CNTN5: variants seen among roughly 807,000 people sequenced by gnomAD.
CNTN5 encodes contactin-5.
In CNTN5, 77 loss-of-function variants were observed where a neutral mutation model predicts 129.1. That is an observed-to-expected ratio of 0.60 (90% CI 0.50 to 0.72). CNTN5 has a LOEUF of 0.72. Among genes scored for constraint, CNTN5 ranks in the 30% least tolerant of loss-of-function variants. The pLI is 0.00. For synonymous variants in CNTN5, 509 were observed against 465.6 expected (o/e 1.09, Z -1.20); for missense variants, 1,478 against 1,328.8 (o/e 1.11, Z -1.75).
chr11:99,220,791 A>T (rs1416200687), intron 1 of CNTN5, among the ~76,000 whole-genome samples: 2 of 151,908 alleles, frequency 1.3e-5, no homozygotes, highest in South Asian at 2.1e-4. Context: ...TGTTCTCTTA[A>T]CCCATACAAA....
intron 3 of CNTN5, among the ~76,000 whole-genome samples, chr11:99,657,178 C>CA (rs767823948): frequency 2.0e-5 from 3 of 151,906 alleles, no homozygotes; most frequent in African/African-American, 7.3e-5. Flanking sequence ...TTGTAAATTA[C>CA]AAAAAACATT....
intron 1 of CNTN5, among the ~76,000 whole-genome samples, chr11:99,108,737 C>G (rs1024863684): frequency 2.0e-5 from 3 of 151,894 alleles, no homozygotes; most frequent in Middle Eastern, 6.8e-3. Flanking sequence ...TTAACATTGA[C>G]AACTTTTATA....
chr11:99,361,647 C>A (rs561055600), intron 2 of CNTN5, among the ~76,000 whole-genome samples: 3 of 152,038 alleles, frequency 2.0e-5, no homozygotes, highest in Admixed American at 6.6e-5. Context: ...TTCCCAATTT[C>A]TTTTTCCCCC....
chr11:99,240,637 C>T (rs1861499266), intron 1 of CNTN5, among the ~76,000 whole-genome samples: 1 of 152,086 alleles, frequency 6.6e-6, no homozygotes, highest in East Asian at 1.9e-4. Flanking sequence ...TTTTGGATCC[C>T]TAAACCTTTT....
intron 1 of CNTN5, among the ~76,000 whole-genome samples, chr11:99,026,931 A>C (rs1332024465): frequency 6.6e-6 from 1 of 151,590 alleles, no homozygotes; most frequent in Non-Finnish European, 1.5e-5. Context: ...ATTATACATA[A>C]AACATTGTCT....
At chr11:99,653,852 A>T (rs552127893) in intron 3 of CNTN5, among the ~76,000 whole-genome samples, 8 of 151,994 alleles carry the variant, frequency 5.3e-5, no homozygotes, top group Admixed American at 3.9e-4. Flanking sequence ...ATTTTATAGA[A>T]TTTTTTTTAA....
At chr11:100,115,299 TA>T (rs1318459538) in intron 13 of CNTN5, among the ~76,000 whole-genome samples, 1 of 152,056 alleles carries the variant, frequency 6.6e-6, no homozygotes, top group Non-Finnish European at 1.5e-5. Context: ...TCCCATCAAC[TA>T]TTAAGACTAA....
intron 1 of CNTN5, among the ~76,000 whole-genome samples, chr11:99,039,115 A>G (rs1863879180): frequency 6.6e-6 from 1 of 152,168 alleles, no homozygotes; most frequent in Non-Finnish European, 1.5e-5. Flanking sequence ...TGAAAACTGA[A>G]TTAAGAATAG....
chr11:99,111,757 T>C (rs1418842057), intron 1 of CNTN5, among the ~76,000 whole-genome samples: 1 of 152,046 alleles, frequency 6.6e-6, no homozygotes, highest in Non-Finnish European at 1.5e-5. Flanking sequence ...TGTACTAGCC[T>C]GCTGATCTCT....
intron 2 of CNTN5, among the ~76,000 whole-genome samples, chr11:99,503,526 G>A (rs534047418): frequency 6.6e-6 from 1 of 152,312 alleles, no homozygotes; most frequent in Non-Finnish European, 1.5e-5. Flanking sequence ...GCAATGCTGT[G>A]AGTGTGAAAC....
chr11:100,110,099 A>T (rs1945593971), intron 13 of CNTN5, among the ~76,000 whole-genome samples: 1 of 151,158 alleles, frequency 6.6e-6, no homozygotes, highest in Non-Finnish European at 1.5e-5. Flanking sequence ...AGGTGGGAGG[A>T]TGGCTTGAGC....
chr11:99,944,790 G>A (rs1000129187), intron 7 of CNTN5, among the ~76,000 whole-genome samples: 3 of 151,976 alleles, frequency 2.0e-5, no homozygotes, highest in Non-Finnish European at 4.4e-5. Context: ...ACATACCTAG[G>A]AATACAACTT....
At chr11:99,396,293 C>G (rs1175662462) in intron 2 of CNTN5, among the ~76,000 whole-genome samples, 8 of 151,376 alleles carry the variant, frequency 5.3e-5, no homozygotes, top group Non-Finnish European at 5.9e-5. Flanking sequence ...TAAAATAAAA[C>G]TTAAGGAGGA....
At chr11:99,656,659 A>T (rs1952377428) in intron 3 of CNTN5, among the ~76,000 whole-genome samples, 2 of 152,172 alleles carry the variant, frequency 1.3e-5, no homozygotes, top group African/African-American at 4.8e-5. Context: ...ATTTGCCCAG[A>T]GATGCCAGTC....
intron 6 of CNTN5, among the ~76,000 whole-genome samples, chr11:99,903,209 A>G (rs1343485385): frequency 1.3e-5 from 2 of 152,122 alleles, no homozygotes; most frequent in East Asian, 4.0e-4. Context: ...TTGAAAACAA[A>G]TTTGGCAGAG....
In CNTN5 at chr11:99,655,818, T is replaced by C. The variant is rs191956128; in HGVS notation, c.55+99549T>C. ...ATGAGGTAGTAGTAGAATAAAGAGG[T>C]AGGATGTAAAGACAGGAATAAATTT... On this transcript the variant is annotated intron_variant, in intron 3 of 24. Transcript: ENST00000524871. Among the ~76,000 whole-genome samples, 342 of 151,720 alleles carry C rather than the reference T, an allele frequency of 2.3e-3. 1 individual carries two copies. Among genetic ancestry groups the C allele is most frequent in the African/African-American group, 7.5e-3 (311 of 41,390 alleles).
intron 2 of CNTN5, among the ~76,000 whole-genome samples, chr11:99,476,535 C>T (rs776633317): frequency 1.3e-5 from 2 of 152,064 alleles, no homozygotes; most frequent in Admixed American, 6.6e-5. Flanking sequence ...AAATATGATA[C>T]GTACTTTGTG....
intron 1 of CNTN5, among the ~76,000 whole-genome samples, chr11:99,193,805 C>T (rs952162513): frequency 1.3e-5 from 2 of 152,136 alleles, no homozygotes; most frequent in East Asian, 1.9e-4. Flanking sequence ...CATCAAACTA[C>T]CCTTTGGAAA....
intron 3 of CNTN5, among the ~76,000 whole-genome samples, chr11:99,727,312 C>CA (rs397936738): frequency 0.12 from 2,923 of 24,086 alleles, 450 homozygotes; most frequent in Non-Finnish European, 0.17. Flanking sequence ...GACTCCGTCT[C>CA]AAAAAAAAAA....
Sources: gnomAD v4.1 joint callset for allele counts (sites outside exome capture counted in the v4.1 genomes callset) on GRCh38, gnomAD v4.1.1 for gene constraint, MANE v1.5 for transcripts, NCBI Gene and HGNC (gene_info 2026-07-23, HGNC 2026-07-21) for gene names.